DEPDC1B: variants seen among roughly 807,000 people sequenced by gnomAD.
The protein encoded by DEPDC1B is DEP domain-containing protein 1B.
Under a neutral mutation model 66.5 loss-of-function variants are expected in DEPDC1B, and 51 were observed. The observed-to-expected ratio is 0.77, with a 90% CI of 0.61 to 0.97. The LOEUF (loss-of-function observed/expected upper bound fraction) is 0.97, where lower values mean the gene tolerates loss of function less well. Among genes scored for constraint, DEPDC1B ranks in the 50% least tolerant of loss-of-function variants. The pLI is 0.00. For missense variants in DEPDC1B, 552 were observed against 637.1 expected (o/e 0.87, Z 1.44); for synonymous variants, 226 against 223.6 (o/e 1.01, Z -0.10).
At chr5:60,617,448 C>T (rs886914315) in intron 7 of DEPDC1B, among the ~76,000 whole-genome samples, 1 of 151,930 alleles carries the variant, frequency 6.6e-6, no homozygotes. Context: ...GGAAGATCTG[C>T]GAAGCAAATG....
chr5:60,669,967 C>G (rs1008335802), intron 2 of DEPDC1B, among the ~76,000 whole-genome samples: 1 of 151,980 alleles, frequency 6.6e-6, no homozygotes, highest in Non-Finnish European at 1.5e-5. Context: ...AAGCACAACC[C>G]CACAATAAGT....
At chr5:60,629,887 C>G (rs528913951) in intron 7 of DEPDC1B, among the ~76,000 whole-genome samples, 52 of 152,296 alleles carry the variant, frequency 3.4e-4, no homozygotes, top group Non-Finnish European at 5.4e-4. Context: ...TAGTCCCACA[C>G]TTGTTTTTGC....
intron 2 of DEPDC1B, among the ~76,000 whole-genome samples, chr5:60,683,199 G>C (rs1054304573): frequency 6.6e-6 from 1 of 152,170 alleles, no homozygotes; most frequent in South Asian, 2.1e-4. Flanking sequence ...GGAAGCTGAG[G>C]CCAGCAGATT....
At position 60,640,546 on chromosome 5, in the gene DEPDC1B, T is replaced by C. The variant is rs1307050299; in HGVS notation, c.758-1656A>G. On this transcript the variant is annotated intron_variant, in intron 6 of 10. Transcript: ENST00000265036. ...GACAGATTCTGGAAAAGAAATGCTTTGACTTTTTTGTGTCTATTTTTTATT... is the reference window on the plus strand; with the variant it reads ...GACAGATTCTGGAAAAGAAATGCTTCGACTTTTTTGTGTCTATTTTTTATT... Among the ~76,000 whole-genome samples the C allele has an allele frequency of 2.0e-5, 3 of 152,220 alleles. No homozygotes were observed. In the East Asian group the frequency reaches 5.8e-4, roughly 29 times the overall value.
chr5:60,658,995 G>C (rs1753643756), intron 2 of DEPDC1B, among the ~76,000 whole-genome samples: 3 of 152,216 alleles, frequency 2.0e-5, no homozygotes, highest in South Asian at 2.1e-4. Context: ...AATCGGGCTA[G>C]AGGCTCACCA....
intron 2 of DEPDC1B, among the ~76,000 whole-genome samples, chr5:60,668,396 T>C (rs1753953282): frequency 6.6e-6 from 1 of 150,942 alleles, no homozygotes; most frequent in Non-Finnish European, 1.5e-5. Flanking sequence ...TGCCTCAGCC[T>C]CCCAAGTAGC....
At chr5:60,610,378 C>G (rs1481743751) in intron 7 of DEPDC1B, among the ~76,000 whole-genome samples, 1 of 152,180 alleles carries the variant, frequency 6.6e-6, no homozygotes, top group Admixed American at 6.5e-5. Context: ...ATCATAGCTA[C>G]TACTATCTTA....
intron 1 of DEPDC1B, among the ~76,000 whole-genome samples, chr5:60,698,409 C>A (rs569440697): frequency 6.6e-6 from 1 of 152,322 alleles, no homozygotes; most frequent in Non-Finnish European, 1.5e-5. Context: ...TACGTTGGAA[C>A]CATGAGACCA....
chr5:60,689,348 A>G (rs937207718), intron 1 of DEPDC1B, among the ~76,000 whole-genome samples: 1 of 152,202 alleles, frequency 6.6e-6, no homozygotes, highest in African/African-American at 2.4e-5. Context: ...AAGCAAATAA[A>G]TGACTTTTTT....
intron 7 of DEPDC1B, among the ~76,000 whole-genome samples, chr5:60,614,333 T>A (rs565992848): frequency 1.9e-4 from 29 of 152,302 alleles, no homozygotes; most frequent in African/African-American, 7.0e-4. Flanking sequence ...TTCTTTCTAG[T>A]TTCTGTCTTC....
intron 2 of DEPDC1B, among the ~76,000 whole-genome samples, chr5:60,654,822 G>T (rs547806974): frequency 6.7e-6 from 1 of 149,016 alleles, no homozygotes; most frequent in South Asian, 2.3e-4. Context: ...TTTTGCTGAA[G>T]ATTTCAATCA....
chr5:60,636,149 T>A (rs1024601453), intron 7 of DEPDC1B, among the ~76,000 whole-genome samples: 2 of 152,218 alleles, frequency 1.3e-5, no homozygotes, highest in Non-Finnish European at 2.9e-5. Flanking sequence ...AGCTGAGCTC[T>A]GATCTCACTA....
intron 2 of DEPDC1B, among the ~76,000 whole-genome samples, chr5:60,686,697 C>G (rs1754418918): frequency 6.6e-6 from 1 of 152,150 alleles, no homozygotes; most frequent in African/African-American, 2.4e-5. Context: ...CACCATTTCC[C>G]AGGTGAGCAA....
At chr5:60,667,680 T>C (rs1753887346) in intron 2 of DEPDC1B, among the ~76,000 whole-genome samples, 1 of 141,684 alleles carries the variant, frequency 7.1e-6, no homozygotes, top group African/African-American at 2.6e-5. Context: ...ATATTTTACA[T>C]GTATATAATG....
At chr5:60,620,703 T>C (rs1584036739) in intron 7 of DEPDC1B, among the ~76,000 whole-genome samples, 1 of 152,226 alleles carries the variant, frequency 6.6e-6, no homozygotes, top group African/African-American at 2.4e-5. Flanking sequence ...GACTGTAAAC[T>C]GGTTCAACCA....
intron 2 of DEPDC1B, among the ~76,000 whole-genome samples, chr5:60,657,897 T>C (rs890534981): frequency 6.6e-6 from 1 of 152,244 alleles, no homozygotes; most frequent in Non-Finnish European, 1.5e-5. Flanking sequence ...TCCAGACTTT[T>C]AGATTTCTCT....
chr5:60,602,833 G>A (rs926628393), intron 9 of DEPDC1B, among the ~76,000 whole-genome samples: 8 of 152,286 alleles, frequency 5.3e-5, no homozygotes, highest in South Asian at 2.1e-4. Context: ...AGAGTCACAC[G>A]ACAGAAAGGA....
chr5:60,689,837 T>C (rs371646926), intron 1 of DEPDC1B, among the ~76,000 whole-genome samples: 2 of 152,082 alleles, frequency 1.3e-5, no homozygotes, highest in African/African-American at 4.8e-5. Context: ...AACCAAGGAG[T>C]TCGAGACCAG....
At chr5:60,624,883 A>G (rs113692762) in intron 7 of DEPDC1B, among the ~76,000 whole-genome samples, 17,595 of 150,096 alleles carry the variant, frequency 0.12, 1,759 homozygotes, top group African/African-American at 0.27. Context: ...TCCTAATGCT[A>G]TCCCTCCCCC....
Sources: gnomAD v4.1 joint callset for allele counts (sites outside exome capture counted in the v4.1 genomes callset) on GRCh38, gnomAD v4.1.1 for gene constraint, MANE v1.5 for transcripts, NCBI Gene and HGNC (gene_info 2026-07-23, HGNC 2026-07-21) for gene names.